Variants in USP40 observed in about 807,000 individuals in gnomAD.
USP40 encodes ubiquitin specific peptidase 40, also known as ubiquitin carboxyl-terminal hydrolase 40.
Under a neutral mutation model 166.2 loss-of-function variants are expected in USP40, and 143 were observed. The observed-to-expected ratio is 0.86, with a 90% CI of 0.75 to 0.99. USP40 has a LOEUF of 0.99. Ranked by LOEUF, USP40 falls within the 50% of genes least tolerant of loss-of-function variation. The pLI is 0.00. For synonymous variants in USP40, 498 were observed against 524.0 expected, an observed-to-expected ratio of 0.95 and a Z score of 0.68; for missense variants, 1,444 against 1,479.7, an observed-to-expected ratio of 0.98 and a Z score of 0.40.
intron 8 of USP40, among the ~76,000 whole-genome samples, chr2:233,544,732 T>C (rs1268551078): frequency 1.3e-5 from 2 of 152,162 alleles, no homozygotes; most frequent in African/African-American, 2.4e-5. Flanking sequence ...CGGCAAAAAG[T>C]TGGAATCCCT....
In USP40 at chr2:233,527,462, T is replaced by C. The variant is rs775914882; in HGVS notation, c.1670A>G (p.Asp557Gly). The change falls in exon 13 of 32, where the codon GAT becomes GGT. Residue 557 changes from aspartate (D) to glycine (G), a missense_variant. By Grantham distance (94) the Asp-to-Gly change is moderately conservative. Coordinates refer to ENST00000678225, the MANE Select transcript of USP40 (RefSeq NM_001365479.2). ...AGTTTTTCTTTTATCAAAGGTCAAATCCCACACGCTTTCTGTTTGAGAGAC... is the reference window on the plus strand; with the variant it reads ...AGTTTTTCTTTTATCAAAGGTCAAACCCCACACGCTTTCTGTTTGAGAGAC... ...PVVSQTESVW[D>G]LTFDKRKTLG... is the part of the protein sequence containing the mutation. 32 of 1,613,748 alleles carry C rather than the reference T, an allele frequency of 2.0e-5. No homozygotes were observed. In the South Asian group the frequency reaches 3.5e-4, roughly 18 times the overall value.
At position 233,486,006 on chromosome 2, in the gene USP40, T is replaced by C; in HGVS notation, c.3198-29A>G. 2 of 1,541,918 alleles carry C rather than the reference T, an allele frequency of 1.3e-6. No homozygotes were observed. Among genetic ancestry groups the C allele is most frequent in the Non-Finnish European group, 1.7e-6 (2 of 1,147,868 alleles). On this transcript the variant is annotated intron_variant, in intron 28 of 31. Coordinates refer to ENST00000678225, the MANE Select transcript of USP40 (RefSeq NM_001365479.2). The surrounding 1 kb of genome is among the most constrained non-coding windows in gnomAD (Gnocchi z 4.0). ...TACCAGAAAACCGTCAAGCGCCAGATCCAAACAAACAAACAAAACCACGTG... is the reference window on the plus strand; with the variant it reads ...TACCAGAAAACCGTCAAGCGCCAGACCCAAACAAACAAACAAAACCACGTG...
At chr2:233,518,094 T>A (rs1001510372) in intron 18 of USP40, among the ~76,000 whole-genome samples, 1 of 151,492 alleles carries the variant, frequency 6.6e-6, no homozygotes, top group East Asian at 1.9e-4. Context: ...GCTCGTGTGA[T>A]AGGTGCACCA....
intron 8 of USP40, among the ~76,000 whole-genome samples, chr2:233,543,462 C>T (rs1176096926): frequency 6.6e-6 from 1 of 152,220 alleles, no homozygotes; most frequent in Non-Finnish European, 1.5e-5. Flanking sequence ...TGTGCAACTG[C>T]TATGGCCAGA....
intron 10 of USP40, among the ~76,000 whole-genome samples, chr2:233,534,626 G>A (rs185177860): frequency 2.1e-3 from 326 of 152,316 alleles, no homozygotes; most frequent in Non-Finnish European, 3.3e-3. Context: ...ACAGAAGAGT[G>A]TAGGGCATAA....
chr2:233,486,238 G>C lies in USP40; in HGVS notation c.3198-261C>G, dbSNP rs1003995998. Among the ~76,000 whole-genome samples, 1 of 152,202 alleles carries C rather than the reference G, an allele frequency of 6.6e-6. No homozygotes were observed. The highest frequency in any genetic ancestry group is 2.4e-5 in the African/African-American group (1 of 41,442). The stretch of plus-strand genomic sequence containing the variant: ...AGACGTGGTAGGGAACTTCCTCAGT[G>C]CGGGAGAAAAGGAAAGAGGTGGCGG... On this transcript the variant is annotated intron_variant, in intron 28 of 31. Transcript: ENST00000678225. This position sits in a 1 kb window ranked among gnomAD's most constrained non-coding sequence, Gnocchi z 4.0.
chr2:233,487,406 A>G lies in USP40; in HGVS notation c.3197+833T>C, dbSNP rs13390054. Among the ~76,000 whole-genome samples the G allele has an allele frequency of 4.4e-3, 676 of 152,332 alleles. 4 individuals are homozygous for G. The highest frequency in any genetic ancestry group is 0.016 in the African/African-American group (645 of 41,576). ...AACTTGCCTGAAGAAATATTTAACT[A>G]TTTTAAGAGGTTTAAAATGTCCACA... On this transcript the variant is annotated intron_variant, in intron 28 of 31. Coordinates refer to ENST00000678225, the MANE Select transcript of USP40 (RefSeq NM_001365479.2).
chr2:233,483,961 CGT>C (rs2064785925), intron 30 of USP40, among the ~76,000 whole-genome samples: 1 of 152,164 alleles, frequency 6.6e-6, no homozygotes, highest in African/African-American at 2.4e-5. Context: ...CATTTCCTCA[CGT>C]GTGTGATTCT....
intron 10 of USP40, among the ~76,000 whole-genome samples, chr2:233,536,636 G>A (rs942141037): frequency 2.0e-5 from 3 of 152,116 alleles, no homozygotes; most frequent in African/African-American, 7.2e-5. Context: ...GGGCAACAGA[G>A]TGAGATCCTG....
At chr2:233,542,489 C>T (rs1242859269) in intron 8 of USP40, 126 bp from the exon 9 acceptor site, 1 of 578,712 alleles carries the variant, frequency 1.7e-6, no homozygotes, top group African/African-American at 1.9e-5. Flanking sequence ...GGCAGAGGGA[C>T]TGCTTGAGCC....
At chr2:233,560,837 CAA>C in intron 3 of USP40, 2 of 536,988 alleles carry the variant, frequency 3.7e-6, no homozygotes, top group Non-Finnish European at 3.4e-6. Flanking sequence ...GGTATTGTTG[CAA>C]AAAAAGTGCT....
At chr2:233,523,047 A>C (rs1454368032) in intron 16 of USP40, 123 bp downstream of exon 16, 4 of 1,104,068 alleles carry the variant, frequency 3.6e-6, no homozygotes, top group Non-Finnish European at 5.1e-6. Flanking sequence ...TATTTAGAAC[A>C]TAATGTCTAG....
chr2:233,540,312 C>T (rs1030579789), intron 10 of USP40, among the ~76,000 whole-genome samples: 8 of 151,936 alleles, frequency 5.3e-5, no homozygotes, highest in Admixed American at 5.2e-4. Flanking sequence ...AAATTTGATA[C>T]CATAGATAAA....
At chr2:233,515,754 C>A (rs1336887770) in intron 18 of USP40, among the ~76,000 whole-genome samples, 5 of 152,122 alleles carry the variant, frequency 3.3e-5, no homozygotes. Context: ...AATACAAAAA[C>A]CTTTCCTTAT....
chr2:233,506,740 C>CAAAAAAAAAAAAAAAAA (rs1227656570), intron 21 of USP40, among the ~76,000 whole-genome samples: 2 of 53,840 alleles, frequency 3.7e-5, no homozygotes, highest in East Asian at 5.7e-4. Context: ...ACCGAAAATA[C>CAAAAAAAAAAAAAAAAA]AAAAAAAAAA....
At position 233,526,858 on chromosome 2, in the gene USP40, T is replaced by C. The variant is rs548496229; in HGVS notation, c.1725+549A>G. Among the ~76,000 whole-genome samples the C allele has an allele frequency of 2.9e-4, 44 of 152,292 alleles. 1 individual carries two copies. The highest frequency in any genetic ancestry group is 6.8e-3 in the Middle Eastern group (2 of 292). Reference sequence around the variant, plus strand: ...GATTAAAGAACCAAATCACATGATTTATATGAAAGCAGTGTAAGTAAAATA... The same window carrying C: ...GATTAAAGAACCAAATCACATGATTCATATGAAAGCAGTGTAAGTAAAATA... On this transcript the variant is annotated intron_variant, in intron 13 of 31. Coordinates refer to ENST00000678225, the MANE Select transcript of USP40 (RefSeq NM_001365479.2).
At chr2:233,562,133 CAACCAT>C (rs1190992841) in intron 3 of USP40, among the ~76,000 whole-genome samples, 1 of 148,268 alleles carries the variant, frequency 6.7e-6, no homozygotes, top group Non-Finnish European at 1.5e-5. Flanking sequence ...GACTGTAGTT[CAACCAT>C]TGTGGAAGTC....
rs150283007 is a variant in USP40, at chr2:233,521,615, C to A, written c.2202-501G>T. On this transcript the variant is annotated intron_variant, in intron 16 of 31. Transcript: ENST00000678225. ...GCAGCCGGCAGTAGAGTATCTTGTT[C>A]TAACATTTTCCCACAGATAGTAGTA... Among the ~76,000 whole-genome samples, 5 of 152,304 alleles carry A rather than the reference C, an allele frequency of 3.3e-5. No homozygotes were observed. In the East Asian group the frequency reaches 9.7e-4, roughly 29 times the overall value.
chr2:233,536,562 G>C (rs1273125932), intron 10 of USP40, among the ~76,000 whole-genome samples: 8 of 152,106 alleles, frequency 5.3e-5, no homozygotes, highest in South Asian at 2.1e-4. Flanking sequence ...GAGGCTGGAG[G>C]ACTGCTTGAG....
Sources: gnomAD v4.1 joint callset for allele counts (sites outside exome capture counted in the v4.1 genomes callset) on GRCh38, gnomAD v4.1.1 for gene constraint, Gnocchi (gnomAD v3.1) non-coding constraint, MANE v1.5 for transcripts, NCBI Gene and HGNC (gene_info 2026-07-23, HGNC 2026-07-21) for gene names.